ENTREP2: variants seen among roughly 807,000 people sequenced by gnomAD.
ENTREP2 encodes endosomal transmembrane epsin interactor 2.
chr15:29,473,424 C>T, the ENTREP2 span, among the ~76,000 whole-genome samples: 251 of 152,220 alleles, frequency 1.6e-3, no homozygotes, highest in African/African-American at 5.8e-3. Flanking sequence ...GGATTCCCTG[C>T]GGCAATCCAG....
At chr15:29,568,973 G>A in the ENTREP2 span, among the ~76,000 whole-genome samples, 1 of 152,180 alleles carries the variant, frequency 6.6e-6, no homozygotes, top group South Asian at 2.1e-4. Flanking sequence ...GGCTCAGGGA[G>A]GAGCCAGGAA....
the ENTREP2 span, among the ~76,000 whole-genome samples, chr15:29,143,222 G>C: frequency 2.0e-5 from 3 of 152,374 alleles, no homozygotes; most frequent in African/African-American, 7.2e-5. Context: ...ATGAATGAAT[G>C]AGTGAGCAAA....
chr15:29,242,576 T>C, the ENTREP2 span, among the ~76,000 whole-genome samples: 1 of 152,200 alleles, frequency 6.6e-6, no homozygotes, highest in African/African-American at 2.4e-5. Flanking sequence ...AAATGCCTTT[T>C]TAATTTCCTA....
chr15:29,251,180 C>A, the ENTREP2 span, among the ~76,000 whole-genome samples: 1 of 152,306 alleles, frequency 6.6e-6, no homozygotes, highest in South Asian at 2.1e-4. Flanking sequence ...GTAGAGCAGG[C>A]AGAGGGCAAC....
At chr15:29,558,457 GC>G in the ENTREP2 span, among the ~76,000 whole-genome samples, 1 of 151,360 alleles carries the variant, frequency 6.6e-6, no homozygotes, top group Non-Finnish European at 1.5e-5. Context: ...GTACATGCCC[GC>G]CCTCTTCACG....
At chr15:29,427,652 T>C in the ENTREP2 span, among the ~76,000 whole-genome samples, 3 of 148,724 alleles carry the variant, frequency 2.0e-5, no homozygotes, top group African/African-American at 7.4e-5. Context: ...CTTTCCCTTA[T>C]GAGGGCCCTT....
At chr15:29,456,066 C>A in the ENTREP2 span, among the ~76,000 whole-genome samples, 1 of 152,082 alleles carries the variant, frequency 6.6e-6, no homozygotes, top group African/African-American at 2.4e-5. Context: ...GTACAATAAA[C>A]GTAATGTGCT....
chr15:29,159,475 C>T, the ENTREP2 span, among the ~76,000 whole-genome samples: 2 of 152,172 alleles, frequency 1.3e-5, no homozygotes, highest in African/African-American at 4.8e-5. Flanking sequence ...GGGCAGCCTG[C>T]TTTTATTCTT....
At chr15:29,170,653 TTC>T in the ENTREP2 span, among the ~76,000 whole-genome samples, 178 of 152,246 alleles carry the variant, frequency 1.2e-3, no homozygotes, top group African/African-American at 4.1e-3. Context: ...CTCATCTCCC[TTC>T]TCTCTCCCAC....
chr15:29,269,375 T>A, the ENTREP2 span: 2 of 1,614,192 alleles, frequency 1.2e-6, no homozygotes, highest in Non-Finnish European at 1.7e-6. Context: ...TGCTTCAGTA[T>A]GTCGGCCCGC....
At chr15:29,537,617 A>G in the ENTREP2 span, among the ~76,000 whole-genome samples, 1 of 152,176 alleles carries the variant, frequency 6.6e-6, no homozygotes, top group African/African-American at 2.4e-5. Context: ...CCTAACTGGA[A>G]TCTCCACTTT....
the ENTREP2 span, among the ~76,000 whole-genome samples, chr15:29,573,844 A>G: frequency 6.6e-6 from 1 of 152,138 alleles, no homozygotes; most frequent in East Asian, 1.9e-4. Context: ...ATGGCCTCCA[A>G]AAATTTTTAT....
the ENTREP2 span, among the ~76,000 whole-genome samples, chr15:29,373,176 AAAAAAT>A: frequency 1.8e-4 from 27 of 152,116 alleles, no homozygotes; most frequent in Admixed American, 1.4e-3. Context: ...AAATAAAAAG[AAAAAAT>A]AAAAATAAAA....
At chr15:29,659,051 C>A in the ENTREP2 span, among the ~76,000 whole-genome samples, 6 of 152,246 alleles carry the variant, frequency 3.9e-5, no homozygotes, top group Non-Finnish European at 8.8e-5. Flanking sequence ...GGCAAAATCA[C>A]AATGAACCTG....
At chr15:29,327,621 A>T in the ENTREP2 span, among the ~76,000 whole-genome samples, 2 of 151,964 alleles carry the variant, frequency 1.3e-5, no homozygotes, top group East Asian at 1.9e-4. Context: ...GAGGGTAAAG[A>T]TCTGAACAAA....
At chr15:29,200,443 T>C in the ENTREP2 span, among the ~76,000 whole-genome samples, 1 of 152,170 alleles carries the variant, frequency 6.6e-6, no homozygotes, top group African/African-American at 2.4e-5. Context: ...TCCAAAGTGC[T>C]GGGTGTACAG....
chr15:29,400,038 T>A, the ENTREP2 span, among the ~76,000 whole-genome samples: 1 of 152,178 alleles, frequency 6.6e-6, no homozygotes. Context: ...AGGATCAATA[T>A]TTATTGTGCC....
chr15:29,158,220 A>G, the ENTREP2 span, among the ~76,000 whole-genome samples: 1 of 152,188 alleles, frequency 6.6e-6, no homozygotes, highest in Non-Finnish European at 1.5e-5. Context: ...CTGTTTGCAT[A>G]CGCATCATGA....
chr15:29,574,263 G>A, the ENTREP2 span, among the ~76,000 whole-genome samples: 5 of 151,970 alleles, frequency 3.3e-5, no homozygotes, highest in Non-Finnish European at 7.4e-5. Context: ...GGGACTAATA[G>A]ACAAAACCAT....
Sources: gnomAD v4.1 joint callset for allele counts (sites outside exome capture counted in the v4.1 genomes callset) on GRCh38, gnomAD v4.1.1 for gene constraint, MANE v1.5 for transcripts, NCBI Gene and HGNC (gene_info 2026-07-23, HGNC 2026-07-21) for gene names.